The following RAD23B variants were observed in gnomAD, a reference collection of about 807,000 sequenced individuals.
RAD23B encodes the protein RAD23 nucleotide excision repair protein B, also known as lysine-specific demethylase RAD23B.
In RAD23B, 5 loss-of-function variants were observed where a neutral mutation model predicts 49.1. That is an observed-to-expected ratio of 0.10 (90% CI 0.05 to 0.21). The LOEUF (loss-of-function observed/expected upper bound fraction) is 0.21, where lower values mean the gene tolerates loss of function less well. Among genes scored for constraint, RAD23B ranks in the 10% least tolerant of loss-of-function variants. RAD23B has a pLI of 1.00. For missense variants in RAD23B, 356 were observed against 486.7 expected (o/e 0.73, Z 2.53); for synonymous variants, 184 against 165.4 (o/e 1.11, Z -0.86).
chr9:107,303,353 T>C (rs1236801453), intron 3 of RAD23B, among the ~76,000 whole-genome samples: 1 of 152,222 alleles, frequency 6.6e-6, no homozygotes, highest in African/African-American at 2.4e-5. Flanking sequence ...CACATGCTTT[T>C]GTACTGGGAG....
At chr9:107,305,603 C>T (rs1222785809) in intron 3 of RAD23B, among the ~76,000 whole-genome samples, 1 of 152,032 alleles carries the variant, frequency 6.6e-6, no homozygotes, top group Non-Finnish European at 1.5e-5. Context: ...GGCTCTATTT[C>T]CAGTTCAGAA....
chr9:107,284,931 G>T lies in RAD23B; in HGVS notation c.66+1236G>T, dbSNP rs1214568725. 6 of 1,299,116 alleles carry T rather than the reference G, an allele frequency of 4.6e-6. No individual in the cohort carries two copies. In the East Asian group the frequency reaches 2.8e-4, roughly 60 times the overall value. 80.5% of individuals were successfully genotyped at this position (1,299,116 alleles called of 1,614,324 possible). ...ATTAGATGGTATGTATTTACTTGGT[G>T]GTCAGTAAATGGAATCGATTATTTA... On this transcript the variant is annotated intron_variant, in intron 1 of 9. Transcript: ENST00000358015.
intron 5 of RAD23B, among the ~76,000 whole-genome samples, chr9:107,315,939 G>A (rs1164747664): frequency 6.6e-6 from 1 of 152,068 alleles, no homozygotes; most frequent in Non-Finnish European, 1.5e-5. Context: ...GAGTCATAGT[G>A]TAATGATTAG....
intron 5 of RAD23B, among the ~76,000 whole-genome samples, chr9:107,317,246 A>G (rs2133090490): frequency 1.3e-5 from 2 of 152,266 alleles, no homozygotes; most frequent in South Asian, 4.2e-4. Context: ...TAGAGAATGA[A>G]GAGATGGGTT....
intron 3 of RAD23B, among the ~76,000 whole-genome samples, chr9:107,302,493 C>T (rs1017996140): frequency 9.2e-5 from 14 of 151,892 alleles, no homozygotes; most frequent in South Asian, 2.1e-4. Context: ...TGCTAAATTA[C>T]GTACTAGTCC....
At chr9:107,289,158 CCCTT>C (rs1337283976) in intron 1 of RAD23B, among the ~76,000 whole-genome samples, 4 of 142,912 alleles carry the variant, frequency 2.8e-5, no homozygotes, top group African/African-American at 5.1e-5. Flanking sequence ...CTCCTTTCCT[CCCTT>C]CCTTCCCCAC....
At chr9:107,287,074 CAA>C (rs1227654857) in intron 1 of RAD23B, among the ~76,000 whole-genome samples, 31 of 94,232 alleles carry the variant, frequency 3.3e-4, no homozygotes, top group African/African-American at 5.6e-4. Flanking sequence ...GACTCCGTCT[CAA>C]AAAAAAAAAA....
Position 107,323,952 on chromosome 9 carries a change from C to G in RAD23B, c.880C>G (p.Gln294Glu). 1 of 1,612,358 alleles carries G rather than the reference C, an allele frequency of 6.2e-7. No homozygotes were observed. The highest frequency in any genetic ancestry group is 1.3e-5 in the African/African-American group (1 of 74,900). ...QFQQMRQIIQ[Q>E]NPSLLPALLQ... ...TCAACAGATGAGACAAATTATTCAG[C>G]AGAATCCTTCCTTGCTTCCAGCGTT... Residue 294 changes from glutamine to glutamate, a missense_variant, in exon 8 of 10, where the codon CAG (glutamine) becomes GAG (glutamate). Around this residue, in one of 5 missense-constraint regions of RAD23B, gnomAD observed 148 missense variants for 231.7 expected, o/e 0.64. Transcript: ENST00000358015.
intron 5 of RAD23B, among the ~76,000 whole-genome samples, chr9:107,316,306 A>T (rs547874945): frequency 6.6e-6 from 1 of 152,176 alleles, no homozygotes; most frequent in Non-Finnish European, 1.5e-5. Flanking sequence ...CACCATACCT[A>T]GTCTTTACCA....
At chr9:107,323,034 G>A (rs1827140852) in intron 7 of RAD23B, among the ~76,000 whole-genome samples, 1 of 152,194 alleles carries the variant, frequency 6.6e-6, no homozygotes, top group African/African-American at 2.4e-5. Flanking sequence ...TGGAATGATT[G>A]TCTTCCTGAA....
intron 8 of RAD23B, 32 bp downstream of exon 8, chr9:107,324,049 T>G (rs768915352): frequency 1.2e-6 from 2 of 1,605,456 alleles, no homozygotes; most frequent in Non-Finnish European, 1.7e-6. Flanking sequence ...CACAAGTGAT[T>G]TAGAGTGTGT....
chr9:107,331,421 TGAACCCGG>T lies in RAD23B; in HGVS notation c.*1769_*1776del, dbSNP rs1265188833. The T allele has an allele frequency of 2.4e-4, 92 of 380,908 alleles. No homozygotes were observed. Among genetic ancestry groups the T allele is most frequent in the Middle Eastern group, 7.2e-4 (1 of 1,396 alleles). The allele number at this position is 380,908 out of a possible 1,614,324, so 23.6% of individuals were successfully genotyped here. ...GGGAGGCTGAGGCATGAGAATTGCT[TGAACCCGG>T]GAAGTGAAGGTTGCCGTGAGCTGAG... On this transcript the variant is annotated 3_prime_UTR_variant, in exon 10 of 10. Coordinates refer to ENST00000358015, the MANE Select transcript of RAD23B (RefSeq NM_002874.5).
intron 9 of RAD23B, among the ~76,000 whole-genome samples, chr9:107,325,519 T>TTC (rs1272825426): frequency 1.3e-5 from 2 of 152,164 alleles, no homozygotes; most frequent in Non-Finnish European, 2.9e-5. Context: ...AAATGGATTT[T>TTC]TCTCTTAATT....
chr9:107,309,363 G>C (rs1826844188), intron 4 of RAD23B, among the ~76,000 whole-genome samples: 1 of 152,196 alleles, frequency 6.6e-6, no homozygotes, highest in Admixed American at 6.5e-5. Flanking sequence ...GTGTGGTTTT[G>C]AGGCTTTGTT....
rs564279965 is a variant in RAD23B, at chr9:107,330,217, G to C, written c.*561G>C. The C allele has an allele frequency of 1.3e-5, 2 of 152,710 alleles. No individual in the cohort carries two copies. The highest frequency in any genetic ancestry group is 4.1e-4 in the South Asian group (2 of 4,824). 9.5% of individuals were successfully genotyped at this position (152,710 alleles called of 1,614,324 possible). A position where few individuals can be genotyped will look rare whatever the true frequency, so the allele number is the denominator to read the frequency against. ...GCCCATTCTTTCATGTTAAATACTT[G>C]GGGTGGGAGGGGAGAAAGGGAACCT... On this transcript the variant is annotated 3_prime_UTR_variant, in exon 10 of 10. Transcript: ENST00000358015. The surrounding 1 kb of genome is among the most constrained non-coding windows in gnomAD (Gnocchi z 4.4).
intron 7 of RAD23B, among the ~76,000 whole-genome samples, chr9:107,322,674 G>T (rs547157523): frequency 2.6e-5 from 4 of 152,296 alleles, no homozygotes; most frequent in Admixed American, 6.5e-5. Context: ...TAGGAATTAC[G>T]CAGTGTTCTC....
At chr9:107,322,146 G>A in intron 7 of RAD23B, 28 bp downstream of exon 7, 1 of 1,554,226 alleles carries the variant, frequency 6.4e-7, no homozygotes, top group Non-Finnish European at 8.7e-7. Flanking sequence ...GGATGGGGAG[G>A]GAATGGCCCT....
chr9:107,329,327 A>G (rs1827265631), intron 9 of RAD23B, among the ~76,000 whole-genome samples: 1 of 152,228 alleles, frequency 6.6e-6, no homozygotes, highest in African/African-American at 2.4e-5. Flanking sequence ...TAGTAAAGGA[A>G]AGGGTCTAGA....
chr9:107,300,645 T>C (rs548142440), intron 2 of RAD23B, among the ~76,000 whole-genome samples: 1 of 151,928 alleles, frequency 6.6e-6, no homozygotes, highest in South Asian at 2.1e-4. Flanking sequence ...AGAAAAAAAA[T>C]TAATATTCAG....
Sources: gnomAD v4.1 joint callset for allele counts (sites outside exome capture counted in the v4.1 genomes callset) on GRCh38, gnomAD v4.1.1 for gene constraint, gnomAD v4.1.1 regional missense constraint, Gnocchi (gnomAD v3.1) non-coding constraint, MANE v1.5 for transcripts, NCBI Gene and HGNC (gene_info 2026-07-23, HGNC 2026-07-21) for gene names.